VPS13B: variants seen among roughly 807,000 people sequenced by gnomAD.
The protein encoded by VPS13B is vacuolar protein sorting 13 homolog B.
VPS13B carries 285 observed loss-of-function variants against 426.4 expected under a neutral mutation model. That is an observed-to-expected ratio of 0.67 (90% CI 0.61 to 0.74). The LOEUF is 0.74. VPS13B is among the 30% of genes least tolerant of loss of function. VPS13B has a pLI of 0.00. For synonymous variants in VPS13B, 1,676 were observed against 1,676.4 expected (o/e 1.00, Z 0.01); for missense variants, 4,537 against 4,782.6 (o/e 0.95, Z 1.51).
In VPS13B at chr8:99,520,922, A is replaced by T; in HGVS notation, c.4657A>T (p.Thr1553Ser). 1 of 1,613,792 alleles carries T rather than the reference A, an allele frequency of 6.2e-7. No homozygotes were observed. The highest frequency in any genetic ancestry group is 1.1e-5 in the South Asian group (1 of 91,080). The change falls in exon 30 of 62, where the codon ACT becomes TCT. Residue 1553 changes from threonine to serine, a missense_variant. By Grantham distance (58) the Thr-to-Ser change is moderately conservative (BLOSUM62 1). Coordinates refer to ENST00000357162, the MANE Select transcript of VPS13B (RefSeq NM_152564.5). ...AGCTAATCAGGCAGCAAAAGAAGAC[A>T]CTGTGGTTTTGAAGATTGGCTCTGT... Reference protein sequence around the residue: ...VEANQAAKEDTVVLKIGSVAM... With the variant: ...VEANQAAKEDSVVLKIGSVAM...
intron 7 of VPS13B, among the ~76,000 whole-genome samples, chr8:99,119,630 C>T (rs1162950127): frequency 1.3e-5 from 2 of 152,130 alleles, no homozygotes; most frequent in African/African-American, 4.8e-5. Flanking sequence ...ATTTTAGTTA[C>T]TCTAGTTAAT....
intron 47 of VPS13B, 95 bp downstream of exon 47, chr8:99,818,983 G>GT: frequency 6.2e-5 from 24 of 384,848 alleles, no homozygotes; most frequent in Non-Finnish European, 9.1e-5. Flanking sequence ...GGAGGGGTGG[G>GT]TAGGGAGATG....
Position 99,594,907 on chromosome 8 carries a change from C to T in VPS13B, c.5220+17274C>T, listed in dbSNP as rs182405917. Among the ~76,000 whole-genome samples, 42 of 152,080 alleles carry T rather than the reference C, an allele frequency of 2.8e-4. No individual in the cohort carries two copies. The East Asian group carries it at 4.8e-3, about 18-fold the overall frequency. ...CAGCCATAGGAAAGGTTTACATAAC[C>T]AATCTTCATGAAATCAGTTAGGACT... On this transcript the variant is annotated intron_variant, in intron 33 of 61. Transcript: ENST00000357162.
chr8:99,596,176 G>C (rs1178535505), intron 33 of VPS13B, among the ~76,000 whole-genome samples: 1 of 151,840 alleles, frequency 6.6e-6, no homozygotes, highest in African/African-American at 2.4e-5. Flanking sequence ...TCTCTGAAAA[G>C]AATTTTGCTG....
intron 36 of VPS13B, among the ~76,000 whole-genome samples, chr8:99,705,024 C>T (rs968571679): frequency 1.3e-5 from 2 of 152,004 alleles, no homozygotes; most frequent in Non-Finnish European, 1.5e-5. Context: ...GATGGCCTAC[C>T]GTCCGTGAAA....
intron 17 of VPS13B, among the ~76,000 whole-genome samples, chr8:99,248,315 C>T (rs2132910074): frequency 6.6e-6 from 1 of 151,958 alleles, no homozygotes; most frequent in Admixed American, 6.5e-5. Context: ...AATGAATCTC[C>T]CCAAAATTTC....
chr8:99,120,802 A>C (rs1397782486), intron 7 of VPS13B, among the ~76,000 whole-genome samples: 1 of 151,972 alleles, frequency 6.6e-6, no homozygotes, highest in Non-Finnish European at 1.5e-5. Flanking sequence ...GAGAAAAGTC[A>C]GTTTTTCAAT....
chr8:99,744,111 A>T (rs567298641), intron 39 of VPS13B, among the ~76,000 whole-genome samples: 2 of 152,288 alleles, frequency 1.3e-5, no homozygotes, highest in African/African-American at 4.8e-5. Context: ...TCTACAAAGA[A>T]CTCAGACAAA....
chr8:99,526,105 G>T (rs970460467), intron 30 of VPS13B, among the ~76,000 whole-genome samples: 5 of 151,898 alleles, frequency 3.3e-5, no homozygotes, highest in African/African-American at 4.8e-5. Flanking sequence ...AAAGAAATGG[G>T]GGGGTGGGGA....
At chr8:99,583,352 T>A (rs540328313) in intron 33 of VPS13B, among the ~76,000 whole-genome samples, 8 of 152,326 alleles carry the variant, frequency 5.3e-5, no homozygotes, top group African/African-American at 1.9e-4. Flanking sequence ...ATATTAAGTA[T>A]TATTATTTAC....
At chr8:99,782,987 C>T (rs1812090554) in intron 42 of VPS13B, among the ~76,000 whole-genome samples, 1 of 152,096 alleles carries the variant, frequency 6.6e-6, no homozygotes, top group African/African-American at 2.4e-5. Context: ...TAGAAGTCCT[C>T]AAGGGCCTCT....
chr8:99,055,055 T>TTG, intron 3 of VPS13B, among the ~76,000 whole-genome samples: 1 of 151,562 alleles, frequency 6.6e-6, no homozygotes, highest in South Asian at 2.1e-4. Context: ...TTTTTTTTTT[T>TTG]GTTACAGGGT....
At chr8:99,841,037 T>C (rs1815656859) in intron 54 of VPS13B, among the ~76,000 whole-genome samples, 1 of 152,232 alleles carries the variant, frequency 6.6e-6, no homozygotes, top group African/African-American at 2.4e-5. Context: ...TTACAGTTTG[T>C]TCTGGCTGAG....
At chr8:99,428,925 A>G (rs1446700077) in intron 21 of VPS13B, among the ~76,000 whole-genome samples, 3 of 152,192 alleles carry the variant, frequency 2.0e-5, no homozygotes, top group African/African-American at 7.2e-5. Context: ...TGTGGCACAT[A>G]TACACCATGG....
chr8:99,725,017 T>TCC (rs1436679052), intron 39 of VPS13B, among the ~76,000 whole-genome samples: 1 of 152,142 alleles, frequency 6.6e-6, no homozygotes, highest in African/African-American at 2.4e-5. Flanking sequence ...TTTGAATCCC[T>TCC]CCCATCTCTG....
Position 99,784,442 on chromosome 8 carries a change from A to G in VPS13B, c.7907A>G (p.His2636Arg), listed in dbSNP as rs1307322019. The G allele has an allele frequency of 3.1e-6, 5 of 1,613,710 alleles. No individual in the cohort carries two copies. Among genetic ancestry groups the G allele is most frequent in the Non-Finnish European group, 4.2e-6 (5 of 1,179,698 alleles). ...ENILLASLHS[H>R]QYSWRSHKSP... Reference sequence around the variant, plus strand: ...ATTCTGCTGGCGAGTCTCCACAGTCACCAGTACAGCTGGCGCTCTCACAAA... The same window carrying G: ...ATTCTGCTGGCGAGTCTCCACAGTCGCCAGTACAGCTGGCGCTCTCACAAA... The change falls in exon 43 of 62, where the codon CAC becomes CGC. Residue 2636 changes from histidine to arginine, a missense_variant. Physicochemically the swap from His to Arg is conservative, Grantham distance 29 (BLOSUM62 0). Around this residue, in one of 2 missense-constraint regions of VPS13B, gnomAD observed 4,311 missense variants for 4,474.3 expected, o/e 0.96. Coordinates refer to ENST00000357162, the MANE Select transcript of VPS13B (RefSeq NM_152564.5).
chr8:99,379,085 AC>A (rs1813652508), intron 19 of VPS13B, among the ~76,000 whole-genome samples: 1 of 152,098 alleles, frequency 6.6e-6, no homozygotes, highest in Admixed American at 6.6e-5. Context: ...AGGAACGCAA[AC>A]CCTATTATGA....
At chr8:99,376,767 A>G (rs1813510638) in intron 19 of VPS13B, among the ~76,000 whole-genome samples, 1 of 152,104 alleles carries the variant, frequency 6.6e-6, no homozygotes, top group Non-Finnish European at 1.5e-5. Flanking sequence ...TCCAGTTTGC[A>G]TACATTTAAA....
intron 19 of VPS13B, among the ~76,000 whole-genome samples, chr8:99,372,516 C>T (rs1421049200): frequency 6.6e-6 from 1 of 152,144 alleles, no homozygotes; most frequent in Non-Finnish European, 1.5e-5. Context: ...TATGAACAGA[C>T]ACTTCTCAAA....
Sources: gnomAD v4.1 joint callset for allele counts (sites outside exome capture counted in the v4.1 genomes callset) on GRCh38, gnomAD v4.1.1 for gene constraint, gnomAD v4.1.1 regional missense constraint, MANE v1.5 for transcripts, NCBI Gene and HGNC (gene_info 2026-07-23, HGNC 2026-07-21) for gene names.